Variants in ERBB3 observed in about 807,000 individuals in gnomAD.
ERBB3 encodes the protein receptor tyrosine-protein kinase erbB-3.
Under a neutral mutation model 156.7 loss-of-function variants are expected in ERBB3, and 96 were observed. The ratio of observed to expected loss-of-function variants is 0.61; its 90% CI spans 0.52 to 0.73. The LOEUF (loss-of-function observed/expected upper bound fraction) is 0.73, where lower values mean the gene tolerates loss of function less well. Ranked by LOEUF, ERBB3 falls within the 30% of genes least tolerant of loss-of-function variation. The pLI is 0.00. For missense variants in ERBB3, 1,406 were observed against 1,709.4 expected (o/e 0.82, Z 3.13); for synonymous variants, 567 against 632.0 (o/e 0.90, Z 1.54).
In ERBB3 at chr12:56,093,313, T is replaced by G. The variant is rs1040738569; in HGVS notation, c.1275-32T>G. The stretch of plus-strand genomic sequence containing the variant: ...TGAATAGTTAATGTTCCCTTAGTAG[T>G]CTCTCCTCTCATCCTGTCTCCTTAT... On this transcript the variant is annotated intron_variant, in intron 11 of 27. Transcript: ENST00000267101. 3.8e-6 allele frequency: 6 copies of G among 1,571,842 alleles called. No individual in the cohort carries two copies. In the African/African-American group the frequency reaches 8.1e-5, roughly 21 times the overall value.
rs762295587 is a variant in ERBB3, at chr12:56,101,687, G to C, written c.3661G>C (p.Gly1221Arg). 13 of 1,613,966 alleles carry C rather than the reference G, an allele frequency of 8.1e-6. No individual in the cohort carries two copies. In the East Asian group the frequency reaches 2.7e-4, roughly 33 times the overall value. ...PPRPSSLEEL[G>R]YEYMDVGSDL... Reference sequence around the variant, plus strand: ...TAGGCCAAGTTCCCTTGAGGAGCTGGGTTATGAGTACATGGATGTGGGGTC... The same window carrying C: ...TAGGCCAAGTTCCCTTGAGGAGCTGCGTTATGAGTACATGGATGTGGGGTC... The change falls in exon 28 of 28, where the codon GGT becomes CGT. Residue 1221 changes from glycine to arginine, a missense_variant. By Grantham distance (125) the Gly-to-Arg change is moderately radical (BLOSUM62 -2). Transcript: ENST00000267101.
At chr12:56,092,956 C>A (rs1483686821) in intron 10 of ERBB3, 30 bp from the exon 11 acceptor site, 2 of 1,589,646 alleles carry the variant, frequency 1.3e-6, no homozygotes, top group Non-Finnish European at 1.7e-6. Flanking sequence ...AGAAGGCTCC[C>A]TGCCCATATG....
chr12:56,087,699 C>T, intron 5 of ERBB3, 57 bp downstream of exon 5: 3 of 1,599,992 alleles, frequency 1.9e-6, no homozygotes, highest in South Asian at 2.2e-5. Context: ...TCCCTTCCTC[C>T]CCAAGCCTGG....
Position 56,096,896 on chromosome 12 carries a change from T to C in ERBB3, c.2274+50T>C, listed in dbSNP as rs756648267. ...CGCTAGGAGAGAGGACAATATTAGA[T>C]ACAATCATGTAGAAGCAGGGTCCTG... is the stretch of plus-strand genomic sequence containing the variant. On this transcript the variant is annotated intron_variant, in intron 19 of 27. Transcript: ENST00000267101. The C allele has an allele frequency of 5.0e-6, 7 of 1,389,792 alleles. No homozygotes were observed. In the South Asian group the frequency reaches 8.0e-5, roughly 16 times the overall value. 86.1% of individuals were successfully genotyped at this position (1,389,792 alleles called of 1,614,324 possible).
In ERBB3 at chr12:56,102,048, G is replaced by T; in HGVS notation, c.4022G>T (p.Arg1341Ile). The T allele has an allele frequency of 6.2e-7, 1 of 1,608,284 alleles. No homozygotes were observed. Among genetic ancestry groups the T allele is most frequent in the South Asian group, 1.1e-5 (1 of 91,050 alleles). The change falls in exon 28 of 28, where the codon AGA (arginine) becomes ATA (isoleucine). Residue 1341 changes from arginine to isoleucine, a missense_variant. Arg to Ile is a moderately conservative substitution (Grantham distance 97, BLOSUM62 -3). This residue lies in a region of ERBB3 where 415 missense variants were observed against 454.1 expected (regional missense o/e 0.91). Transcript: ENST00000267101. ...SRLFPKANAQ[R>I]T ...CTTTTCCCCAAGGCTAATGCCCAGA[G>T]AACGTAACTCCTGCTCCCTGTGGCA...
intron 1 of ERBB3, among the ~76,000 whole-genome samples, chr12:56,082,522 G>A (rs1014965661): frequency 2.0e-5 from 3 of 152,070 alleles, no homozygotes; most frequent in East Asian, 3.9e-4. Context: ...AGGGGTGTAT[G>A]TTATAGGAGG....
At chr12:56,093,707 G>C in intron 12 of ERBB3, 57 bp from the exon 13 acceptor site, 2 of 1,610,354 alleles carry the variant, frequency 1.2e-6, no homozygotes, top group South Asian at 2.2e-5. Flanking sequence ...GAATAATGAA[G>C]AGAGGGCTTG....
intron 25 of ERBB3, 52 bp downstream of exon 25, chr12:56,100,081 C>T (rs745833715): frequency 8.1e-6 from 13 of 1,597,798 alleles, no homozygotes; most frequent in Middle Eastern, 1.7e-4. Flanking sequence ...CCTCACAAAC[C>T]CTACAGATAC....
Position 56,095,297 on chromosome 12 carries a change from C to T in ERBB3, c.1900C>T (p.Leu634=), listed in dbSNP as rs778783934. 6.2e-7 allele frequency: 1 copy of T among 1,613,710 alleles called. No homozygotes were observed. Among genetic ancestry groups the T allele is most frequent in the Non-Finnish European group, 8.5e-7 (1 of 1,179,598 alleles). The part of the protein sequence containing the change: ...PELQDCLGQT[L]VLIGKTHLTM... ...GCTTCAAGACTGTTTAGGACAAACA[C>T]TGGTGCTGATCGGGTATGATGGGGT... The change falls in exon 16 of 28, where the codon CTG becomes TTG. Residue 634 remains leucine (L), a synonymous_variant. Coordinates refer to ENST00000267101, the MANE Select transcript of ERBB3 (RefSeq NM_001982.4).
At chr12:56,081,882 TG>T (rs1868357928) in intron 1 of ERBB3, among the ~76,000 whole-genome samples, 1 of 152,124 alleles carries the variant, frequency 6.6e-6, no homozygotes, top group Non-Finnish European at 1.5e-5. Context: ...CCTGTGACAC[TG>T]CCCCTCCCTA....
intron 5 of ERBB3, 54 bp downstream of exon 5, chr12:56,087,696 C>T (rs1565857226): frequency 6.3e-7 from 1 of 1,598,700 alleles, no homozygotes; most frequent in Non-Finnish European, 8.6e-7. Context: ...ATATCCCTTC[C>T]TCCCCAAGCC....
intron 1 of ERBB3, among the ~76,000 whole-genome samples, chr12:56,082,392 T>C (rs558410431): frequency 6.6e-6 from 1 of 152,290 alleles, no homozygotes; most frequent in East Asian, 1.9e-4. Flanking sequence ...TCCTAGTCTC[T>C]TTCATTTCAA....
At chr12:56,086,790 C>T in intron 4 of ERBB3, 134 bp downstream of exon 4, 1 of 1,049,504 alleles carries the variant, frequency 9.5e-7, no homozygotes, top group Non-Finnish European at 1.5e-6. Context: ...GACTCAGCAG[C>T]CCACCAGGGC....
In ERBB3 at chr12:56,085,159, G is replaced by A. The variant is rs2136788634; in HGVS notation, c.399G>A (p.Gln133=). 6.2e-7 allele frequency: 1 copy of A among 1,614,120 alleles called. No individual in the cohort carries two copies. The highest frequency in any genetic ancestry group is 8.5e-7 in the Non-Finnish European group (1 of 1,180,034). The change falls in exon 3 of 28, where the codon CAG becomes CAA. Residue 133 remains glutamine (Q), a synonymous_variant. Transcript: ENST00000267101. ...YNTNSSHALR[Q]LRLTQLTEIL... ...CCAACTCCAGCCACGCTCTGCGCCAGCTCCGCTTGACTCAGCTCACCGGTC... is the reference window on the plus strand; with the variant it reads ...CCAACTCCAGCCACGCTCTGCGCCAACTCCGCTTGACTCAGCTCACCGGTC...
Position 56,102,240 on chromosome 12 carries a change from C to A in ERBB3, c.*185C>A. ...CAAAATTCTTATGGTATGTAGCCAG[C>A]TGTGCACTTTCTTCTCTTTCCCAAC... is the stretch of plus-strand genomic sequence containing the variant. On this transcript the variant is annotated 3_prime_UTR_variant, in exon 28 of 28. Coordinates refer to ENST00000267101, the MANE Select transcript of ERBB3 (RefSeq NM_001982.4). 1.6e-6 allele frequency: 1 copy of A among 618,576 alleles called. No individual in the cohort carries two copies. The allele number at this position is 618,576 out of a possible 1,614,324, so 38.3% of individuals were successfully genotyped here.
In ERBB3 at chr12:56,102,034, G is replaced by A; in HGVS notation, c.4008G>A (p.Lys1336=). 1 of 1,610,892 alleles carries A rather than the reference G, an allele frequency of 6.2e-7. No homozygotes were observed. The highest frequency in any genetic ancestry group is 2.2e-5 in the East Asian group (1 of 44,878). ...PDYWHSRLFP[K]ANAQRT ...ACTGGCATAGCAGGCTTTTCCCCAA[G>A]GCTAATGCCCAGAGAACGTAACTCC... The change falls in exon 28 of 28, where the codon AAG becomes AAA. Residue 1336 remains lysine (K), a synonymous_variant. Coordinates refer to ENST00000267101, the MANE Select transcript of ERBB3 (RefSeq NM_001982.4).
intron 15 of ERBB3, 28 bp downstream of exon 15, chr12:56,094,584 G>T: frequency 6.2e-7 from 1 of 1,612,088 alleles, no homozygotes; most frequent in South Asian, 1.1e-5. Context: ...AAGGAGAGGG[G>T]GTCAGGTGGA....
rs762898008 is a variant in ERBB3 at position 56,098,775 on chromosome 12, G to A, written c.2709G>A (p.Glu903=). Residue 903 remains glutamate, a synonymous_variant, in exon 23 of 28, where the codon GAG becomes GAA. Coordinates refer to ENST00000267101, the MANE Select transcript of ERBB3 (RefSeq NM_001982.4). The part of the protein sequence containing the change: ...DVWSYGVTVW[E]LMTFGAEPYA... ...CTGCAACAGGTGTGACAGTTTGGGA[G>A]TTGATGACCTTCGGGGCAGAGCCCT... is the stretch of plus-strand genomic sequence containing the variant. The A allele has an allele frequency of 2.5e-5, 41 of 1,614,020 alleles. No individual in the cohort carries two copies. The highest frequency in any genetic ancestry group is 3.2e-5 in the Non-Finnish European group (38 of 1,180,020).
chr12:56,095,670 C>T lies in ERBB3; in HGVS notation c.1919C>T (p.Thr640Ile), dbSNP rs753940174. ...GGTTTCTATATATCCCATAGCAAAA[C>T]CCATCTGACAATGGCTTTGACAGTG... ...LGQTLVLIGK[T>I]HLTMALTVIA... The change falls in exon 17 of 28, where the codon ACC (threonine) becomes ATC (isoleucine). Residue 640 changes from threonine (T) to isoleucine (I), a missense_variant. Physicochemically the swap from Thr to Ile is moderately conservative, Grantham distance 89 (BLOSUM62 -1). Transcript: ENST00000267101. 3.1e-6 allele frequency: 5 copies of T among 1,614,020 alleles called. No homozygotes were observed. The highest frequency in any genetic ancestry group is 4.2e-6 in the Non-Finnish European group (5 of 1,180,022).
Sources: allele counts gnomAD v4.1 joint callset (sites outside exome capture counted in the v4.1 genomes callset), GRCh38; gene constraint gnomAD v4.1.1; regional missense constraint gnomAD v4.1.1; transcripts MANE v1.5; gene names NCBI Gene and HGNC (gene_info 2026-07-23, HGNC 2026-07-21).